GALNT13: variants seen among roughly 807,000 people sequenced by gnomAD.
GALNT13 encodes the protein UDP-GalNAc:polypeptide N-acetylgalactosaminyltransferase 13.
Under a neutral mutation model 64.2 loss-of-function variants are expected in GALNT13, and 28 were observed. The ratio of observed to expected loss-of-function variants is 0.44; its 90% CI spans 0.32 to 0.60. The LOEUF is 0.60. Ranked by LOEUF, GALNT13 falls within the 20% of genes least tolerant of loss-of-function variation. The pLI is 0.05. For synonymous variants in GALNT13, 214 were observed against 224.6 expected (o/e 0.95, Z 0.42); for missense variants, 577 against 669.8 (o/e 0.86, Z 1.53).
the GALNT13 span, among the ~76,000 whole-genome samples, chr2:153,387,695 A>G: frequency 6.6e-6 from 1 of 152,070 alleles, no homozygotes; most frequent in Non-Finnish European, 1.5e-5. Flanking sequence ...ACAACTCTTA[A>G]ACTGTAGCCC....
chr2:154,134,296 A>G (rs2105558523), intron 3 of GALNT13, among the ~76,000 whole-genome samples: 1 of 152,324 alleles, frequency 6.6e-6, no homozygotes, highest in South Asian at 2.1e-4. Context: ...CTTACCTGAA[A>G]GTTGAAATTG....
chr2:154,407,656 G>A (rs1400410004), intron 10 of GALNT13, among the ~76,000 whole-genome samples: 1 of 151,974 alleles, frequency 6.6e-6, no homozygotes, highest in Admixed American at 6.6e-5. Context: ...TTCAGTGTGT[G>A]TTTTGTCTTT....
chr2:153,136,520 A>G, the GALNT13 span, among the ~76,000 whole-genome samples: 3 of 152,054 alleles, frequency 2.0e-5, no homozygotes, highest in Admixed American at 6.6e-5. Flanking sequence ...TTAGTACAAA[A>G]CATAACCAGT....
At chr2:153,401,586 C>T in the GALNT13 span, among the ~76,000 whole-genome samples, 4 of 151,052 alleles carry the variant, frequency 2.6e-5, no homozygotes, top group Non-Finnish European at 5.9e-5. Flanking sequence ...TCACTCAGGA[C>T]TTGCTTTATG....
Position 154,396,050 on chromosome 2 carries a change from A to G in GALNT13, c.1216A>G (p.Lys406Glu), listed in dbSNP as rs1699039062. 6.2e-7 allele frequency: 1 copy of G among 1,611,306 alleles called. No individual in the cohort carries two copies. Among genetic ancestry groups the G allele is most frequent in the Admixed American group, 1.7e-5 (1 of 59,652 alleles). Residue 406 changes from lysine to glutamate, a missense_variant, in exon 10 of 13, where the codon AAG becomes GAG. Around this residue, in one of 3 missense-constraint regions of GALNT13, gnomAD observed 232 missense variants for 270.6 expected, o/e 0.86. Coordinates refer to ENST00000392825, the MANE Select transcript of GALNT13 (RefSeq NM_052917.4). Reference protein sequence around the residue: ...SVRKTLRENLKCKPFSWYLEN... With the variant: ...SVRKTLRENLECKPFSWYLEN... Reference sequence around the variant, plus strand: ...CAGAAAAACACTAAGAGAAAATCTGAAGTGTAAGCCCTTTTCTTGGTACCT... The same window carrying G: ...CAGAAAAACACTAAGAGAAAATCTGGAGTGTAAGCCCTTTTCTTGGTACCT...
chr2:153,632,932 T>A, the GALNT13 span, among the ~76,000 whole-genome samples: 6 of 150,644 alleles, frequency 4.0e-5, no homozygotes, highest in African/African-American at 1.5e-4. Flanking sequence ...TTTTTGGCAC[T>A]TTTTTTTTAG....
At chr2:154,132,282 T>G (rs1245720411) in intron 3 of GALNT13, among the ~76,000 whole-genome samples, 3 of 152,250 alleles carry the variant, frequency 2.0e-5, no homozygotes, top group Non-Finnish European at 4.4e-5. Flanking sequence ...TAAAAGGCCC[T>G]TTAATTAAAT....
the GALNT13 span, among the ~76,000 whole-genome samples, chr2:153,558,026 T>C: frequency 6.6e-6 from 1 of 152,206 alleles, no homozygotes; most frequent in Non-Finnish European, 1.5e-5. Context: ...AGGAAGAAAC[T>C]GTTTCTTTCC....
downstream of GALNT13, among the ~76,000 whole-genome samples, chr2:154,455,431 A>T (rs367767566): frequency 6.6e-6 from 1 of 152,220 alleles, no homozygotes; most frequent in African/African-American, 2.4e-5. Context: ...CACCATCTAC[A>T]GCTGTCATCC....
the GALNT13 span, among the ~76,000 whole-genome samples, chr2:153,249,638 T>C: frequency 1.3e-5 from 2 of 152,168 alleles, no homozygotes; most frequent in Admixed American, 6.5e-5. Context: ...ACTACAAGTC[T>C]ACAGTAACCA....
the GALNT13 span, among the ~76,000 whole-genome samples, chr2:153,557,626 C>T: frequency 0.091 from 13,850 of 152,240 alleles, 909 homozygotes; most frequent in East Asian, 0.36. Flanking sequence ...TCCCTACAAT[C>T]TATTCTTCAT....
At chr2:153,712,194 A>T in the GALNT13 span, among the ~76,000 whole-genome samples, 97 of 152,314 alleles carry the variant, frequency 6.4e-4, no homozygotes, top group Admixed American at 2.0e-3. Context: ...AGCAAGATTA[A>T]AAATGTGCTT....
chr2:153,575,947 C>T, the GALNT13 span, among the ~76,000 whole-genome samples: 6 of 152,236 alleles, frequency 3.9e-5, no homozygotes, highest in African/African-American at 1.4e-4. Flanking sequence ...GGCCCAAGGG[C>T]TCTTCAGTTA....
chr2:153,204,668 G>C, the GALNT13 span, among the ~76,000 whole-genome samples: 1 of 129,934 alleles, frequency 7.7e-6, no homozygotes, highest in Admixed American at 7.2e-5. Context: ...AGAATCTCTT[G>C]GTTCTTCCTT....
At chr2:154,056,339 T>C (rs994502295) in intron 3 of GALNT13, among the ~76,000 whole-genome samples, 10 of 152,132 alleles carry the variant, frequency 6.6e-5, no homozygotes, top group African/African-American at 1.9e-4. Flanking sequence ...TCTAGACTTA[T>C]CATATTCATC....
the GALNT13 span, among the ~76,000 whole-genome samples, chr2:153,526,724 T>C: frequency 2.6e-5 from 4 of 152,128 alleles, no homozygotes; most frequent in Non-Finnish European, 4.4e-5. Context: ...AGACCAGTTA[T>C]CAACAGAGAT....
chr2:153,653,050 T>C, the GALNT13 span, among the ~76,000 whole-genome samples: 1 of 152,124 alleles, frequency 6.6e-6, no homozygotes, highest in Non-Finnish European at 1.5e-5. Flanking sequence ...AATACATACC[T>C]TAGGTGGCAG....
chr2:154,191,524 T>A (rs571997459), intron 4 of GALNT13, among the ~76,000 whole-genome samples: 20 of 152,214 alleles, frequency 1.3e-4, no homozygotes, highest in Non-Finnish European at 2.6e-4. Context: ...TATTGTGCGG[T>A]ATGAATGTAA....
At chr2:153,297,819 T>C in the GALNT13 span, among the ~76,000 whole-genome samples, 2 of 152,190 alleles carry the variant, frequency 1.3e-5, no homozygotes, top group South Asian at 2.1e-4. Context: ...CTTTTGTAGA[T>C]AGCAAGAGCA....
Sources: allele counts gnomAD v4.1 joint callset (sites outside exome capture counted in the v4.1 genomes callset), GRCh38; gene constraint gnomAD v4.1.1; regional missense constraint gnomAD v4.1.1; transcripts MANE v1.5; gene names NCBI Gene and HGNC (gene_info 2026-07-23, HGNC 2026-07-21).